Variants in ADAM23 observed in about 807,000 individuals in gnomAD.
ADAM23 encodes ADAM metallopeptidase domain 23, also known as disintegrin and metalloproteinase domain-containing protein 23.
A neutral mutation model predicts 120.1 loss-of-function variants in ADAM23; 33 were observed. The ratio of observed to expected loss-of-function variants is 0.27; its 90% confidence interval spans 0.21 to 0.37. ADAM23 has a LOEUF of 0.37. Ranked by LOEUF, ADAM23 falls within the 10% of genes least tolerant of loss-of-function variation. The probability of loss-of-function intolerance (pLI) is 1.00; values close to 1 mark genes in which losing one functional copy is unlikely to be tolerated. For missense variants in ADAM23, 862 were observed against 1,058.2 expected, an observed-to-expected ratio of 0.81 and a Z score of 2.57; for synonymous variants, 367 against 375.2, an observed-to-expected ratio of 0.98 and a Z score of 0.25.
In ADAM23 at chr2:206,573,224, A is replaced by G. The variant is rs896616074; in HGVS notation, c.1737+29A>G. 8.8e-6 allele frequency: 14 copies of G among 1,598,912 alleles called. 1 individual carries two copies. The Middle Eastern group carries it at 5.0e-4, about 57-fold the overall frequency. ...TGGCGCACTGAGTTTTTGGTAATAC[A>G]TTTTACTTGTACAGGTTGAGTATTC... On this transcript the variant is annotated intron_variant, in intron 18 of 25. Coordinates refer to ENST00000264377, the MANE Select transcript of ADAM23 (RefSeq NM_003812.4).
Position 206,456,907 on chromosome 2 carries a change from G to A in ADAM23, c.432+11383G>A, listed in dbSNP as rs377536416. On this transcript the variant is annotated intron_variant, in intron 2 of 25. Transcript: ENST00000264377. ...TTAGAACCTCCTTTCCCTTAGTGTG[G>A]TTATTTAATAATTTACTGCATCAAG... 3.2e-4 allele frequency among the ~76,000 whole-genome samples: 49 copies of A among 152,234 alleles called. No individual in the cohort carries two copies. The East Asian group carries it at 6.6e-3, about 20-fold the overall frequency.
intron 3 of ADAM23, among the ~76,000 whole-genome samples, chr2:206,482,480 G>T (rs1695917653): frequency 6.6e-6 from 1 of 152,164 alleles, no homozygotes; most frequent in Non-Finnish European, 1.5e-5. Context: ...GTAGCGAGAT[G>T]ATCGCAACCA....
chr2:206,598,889 G>GATTCCATCTCAAAAAAAAAAA (rs1553564104), intron 24 of ADAM23, among the ~76,000 whole-genome samples: 1 of 151,376 alleles, frequency 6.6e-6, no homozygotes, highest in Non-Finnish European at 1.5e-5. Flanking sequence ...GATAGAGTGA[G>GATTCCATCTCAAAAAAAAAAA]ACACTGAGCC....
rs1319131582 is a variant in ADAM23 at position 206,618,826 on chromosome 2, G to A, written c.*1199G>A. On this transcript the variant is annotated 3_prime_UTR_variant, in exon 26 of 26. Transcript: ENST00000264377. ...GTCATTATAAACCTATGTAAATAATGTAAGAAAGTAGACACCCTTTCAGAT... is the reference window on the plus strand; with the variant it reads ...GTCATTATAAACCTATGTAAATAATATAAGAAAGTAGACACCCTTTCAGAT... 14 of 152,170 alleles carry A rather than the reference G, an allele frequency of 9.2e-5. No homozygotes were observed. Among genetic ancestry groups the A allele is most frequent in the Non-Finnish European group, 2.9e-5 (2 of 68,044 alleles). 9.4% of individuals were successfully genotyped at this position (152,170 alleles called of 1,614,324 possible).
In ADAM23 at chr2:206,596,139, C is replaced by A. The variant is rs1366829126; in HGVS notation, c.2336C>A (p.Pro779His). The A allele has an allele frequency of 1.2e-6, 2 of 1,613,956 alleles. No individual in the cohort carries two copies. Among genetic ancestry groups the A allele is most frequent in the Non-Finnish European group, 1.7e-6 (2 of 1,179,944 alleles). The change falls in exon 24 of 26, where the codon CCC becomes CAC. Residue 779 changes from proline (P) to histidine (H), a missense_variant. Transcript: ENST00000264377. ...SIRDPVRNLH[P>H]PKDEGPKGPS... is the part of the protein sequence containing the mutation. The stretch of plus-strand genomic sequence containing the variant: ...CGGGATCCAGTTAGGAACCTTCACC[C>A]CCCCAAGGATGAAGGACCCAAGGGT...
chr2:206,573,526 G>A (rs1046977658), intron 18 of ADAM23, among the ~76,000 whole-genome samples: 1 of 152,068 alleles, frequency 6.6e-6, no homozygotes, highest in Non-Finnish European at 1.5e-5. Flanking sequence ...TGGACAATCA[G>A]TGGTTGTTTG....
chr2:206,481,948 A>G (rs998965767), intron 3 of ADAM23, among the ~76,000 whole-genome samples: 1 of 152,246 alleles, frequency 6.6e-6, no homozygotes, highest in African/African-American at 2.4e-5. Context: ...AAATAGATCT[A>G]GCAGTGAGCC....
chr2:206,561,645 A>G (rs1036684530), intron 12 of ADAM23, among the ~76,000 whole-genome samples: 11 of 152,104 alleles, frequency 7.2e-5, no homozygotes, highest in African/African-American at 2.4e-4. Context: ...CTACCTACCT[A>G]TCTGTAGAAT....
At chr2:206,566,857 A>AG (rs892145403) in intron 14 of ADAM23, among the ~76,000 whole-genome samples, 4 of 152,158 alleles carry the variant, frequency 2.6e-5, no homozygotes, top group African/African-American at 7.2e-5. Context: ...AGAGGCAAAA[A>AG]AAAAAAATGC....
intron 3 of ADAM23, among the ~76,000 whole-genome samples, chr2:206,521,293 T>C (rs765301045): frequency 2.4e-4 from 36 of 152,112 alleles, no homozygotes; most frequent in Non-Finnish European, 4.1e-4. Flanking sequence ...TCATTGAGTT[T>C]AGGGGATGTA....
intron 18 of ADAM23, among the ~76,000 whole-genome samples, chr2:206,576,483 A>C (rs994936801): frequency 3.9e-5 from 6 of 152,132 alleles, no homozygotes; most frequent in Non-Finnish European, 7.4e-5. Context: ...TTCTCAGTAC[A>C]TATTAGAATA....
intron 22 of ADAM23, 67 bp from the exon 23 acceptor site, chr2:206,594,670 G>GCC (rs1698487092): frequency 6.4e-7 from 1 of 1,574,278 alleles, no homozygotes; most frequent in Non-Finnish European, 8.7e-7. Context: ...TGAAGAGCAA[G>GCC]CCTCATTCAT....
intron 2 of ADAM23, among the ~76,000 whole-genome samples, chr2:206,473,481 C>T (rs897115945): frequency 2.0e-5 from 3 of 151,836 alleles, no homozygotes; most frequent in Non-Finnish European, 4.4e-5. Flanking sequence ...CACCTGTAAT[C>T]TCAGCATTTT....
In ADAM23 at chr2:206,476,370, A is replaced by G. The variant is rs528181256; in HGVS notation, c.433-4862A>G. Among the ~76,000 whole-genome samples, 10 of 152,282 alleles carry G rather than the reference A, an allele frequency of 6.6e-5. No individual in the cohort carries two copies. In the East Asian group the frequency reaches 1.9e-3, roughly 29 times the overall value. ...CTATAGTTTAGAGCAGGGGTCCCCA[A>G]CTTCCAGGTCACATTGATATCAGGC... On this transcript the variant is annotated intron_variant, in intron 2 of 25. Coordinates refer to ENST00000264377, the MANE Select transcript of ADAM23 (RefSeq NM_003812.4).
chr2:206,484,337 G>T (rs530835331), intron 3 of ADAM23, among the ~76,000 whole-genome samples: 1 of 152,296 alleles, frequency 6.6e-6, no homozygotes, highest in Non-Finnish European at 1.5e-5. Flanking sequence ...AGCCCATCAA[G>T]GTCAAATGCA....
intron 3 of ADAM23, among the ~76,000 whole-genome samples, chr2:206,519,059 A>T: frequency 6.6e-6 from 1 of 152,178 alleles, no homozygotes. Flanking sequence ...CTATAATTCA[A>T]CATTCTTGGT....
At chr2:206,450,638 C>G (rs1197494904) in intron 2 of ADAM23, among the ~76,000 whole-genome samples, 2 of 152,182 alleles carry the variant, frequency 1.3e-5, no homozygotes, top group Admixed American at 1.3e-4. Context: ...TATGCTTACA[C>G]TACCTAAAGT....
At chr2:206,540,823 A>T (rs186228616) in intron 4 of ADAM23, among the ~76,000 whole-genome samples, 2 of 152,112 alleles carry the variant, frequency 1.3e-5, no homozygotes, top group African/African-American at 4.8e-5. Flanking sequence ...AGCAGATAGG[A>T]AGTCGGGGAC....
intron 2 of ADAM23, among the ~76,000 whole-genome samples, chr2:206,467,199 T>A (rs1695559115): frequency 6.6e-6 from 1 of 152,176 alleles, no homozygotes; most frequent in Admixed American, 6.5e-5. Flanking sequence ...CAAAATCCAG[T>A]CATGCCTTCT....
Sources: gnomAD v4.1 joint callset for allele counts (sites outside exome capture counted in the v4.1 genomes callset) on GRCh38, gnomAD v4.1.1 for gene constraint, MANE v1.5 for transcripts, NCBI Gene and HGNC (gene_info 2026-07-23, HGNC 2026-07-21) for gene names.